The following NT5DC1 variants were observed in gnomAD, a reference collection of about 807,000 sequenced individuals.
NT5DC1 encodes the protein 5'-nucleotidase domain-containing protein 1.
NT5DC1 carries 42 observed loss-of-function variants against 59.4 expected under a neutral mutation model. The ratio of observed to expected loss-of-function variants is 0.71; its 90% CI spans 0.55 to 0.92. NT5DC1 has a LOEUF of 0.92. Among genes scored for constraint, NT5DC1 ranks in the 40% least tolerant of loss-of-function variants. NT5DC1 has a pLI of 0.00. For missense variants in NT5DC1, 501 were observed against 537.1 expected (o/e 0.93, Z 0.66); for synonymous variants, 172 against 188.1 (o/e 0.91, Z 0.70).
At chr6:116,131,230 C>T (rs1019321789) in intron 6 of NT5DC1, among the ~76,000 whole-genome samples, 4 of 152,072 alleles carry the variant, frequency 2.6e-5, no homozygotes, top group African/African-American at 4.8e-5. Flanking sequence ...CCAATATAAG[C>T]CAGCTCCAGC....
intron 11 of NT5DC1, among the ~76,000 whole-genome samples, chr6:116,240,132 A>G (rs1771671637): frequency 6.6e-6 from 1 of 152,196 alleles, no homozygotes. Flanking sequence ...GACATAAAAG[A>G]TATAGTGAGA....
chr6:116,151,691 A>G (rs1780043499), intron 6 of NT5DC1, among the ~76,000 whole-genome samples: 1 of 152,138 alleles, frequency 6.6e-6, no homozygotes, highest in Admixed American at 6.5e-5. Flanking sequence ...ATAATTTTAT[A>G]TTTCTCTTTC....
chr6:116,145,138 T>A (rs1779864677), intron 6 of NT5DC1, among the ~76,000 whole-genome samples: 1 of 152,176 alleles, frequency 6.6e-6, no homozygotes, highest in Admixed American at 6.5e-5. Flanking sequence ...TATAATAGAT[T>A]GAAAGCTTCT....
intron 6 of NT5DC1, among the ~76,000 whole-genome samples, chr6:116,188,747 A>G (rs1233834061): frequency 6.6e-6 from 1 of 150,836 alleles, no homozygotes. Flanking sequence ...ATGAATGTTT[A>G]TAACATTTCA....
At chr6:116,101,974 T>C (rs148773004) in intron 1 of NT5DC1, among the ~76,000 whole-genome samples, 394 of 152,364 alleles carry the variant, frequency 2.6e-3, no homozygotes, top group Non-Finnish European at 4.6e-3. Context: ...AGGAAGTTAC[T>C]TAACCTGTGC....
Position 116,113,735 on chromosome 6 carries a change from C to G in NT5DC1, c.365-1956C>G, listed in dbSNP as rs1778919586. Among the ~76,000 whole-genome samples, 3 of 152,168 alleles carry G rather than the reference C, an allele frequency of 2.0e-5. No individual in the cohort carries two copies. In the South Asian group the frequency reaches 6.2e-4, roughly 32 times the overall value. ...TGAATTATTTAATTAGAACTCAGCC[C>G]TTACTCAAAATCAATAGTTCAACTC... On this transcript the variant is annotated intron_variant, in intron 4 of 11. Coordinates refer to ENST00000319550, the MANE Select transcript of NT5DC1 (RefSeq NM_152729.3).
chr6:116,177,303 A>G (rs772038373), intron 6 of NT5DC1, among the ~76,000 whole-genome samples: 1 of 152,112 alleles, frequency 6.6e-6, no homozygotes, highest in Non-Finnish European at 1.5e-5. Context: ...GTTTTTATTC[A>G]TGGGCGTTAT....
intron 6 of NT5DC1, among the ~76,000 whole-genome samples, chr6:116,168,687 A>T (rs1780536180): frequency 6.6e-6 from 1 of 151,486 alleles, no homozygotes; most frequent in South Asian, 2.1e-4. Context: ...TTTTTTATTG[A>T]TACTAGCTAT....
intron 8 of NT5DC1, among the ~76,000 whole-genome samples, chr6:116,231,325 A>T (rs1247108767): frequency 6.6e-6 from 1 of 152,184 alleles, no homozygotes; most frequent in East Asian, 1.9e-4. Flanking sequence ...ACTGGAGAAA[A>T]AAAAGTCTAG....
In NT5DC1 at chr6:116,108,356, T is replaced by G; in HGVS notation, c.186-8T>G. The G allele has an allele frequency of 1.3e-6, 2 of 1,575,694 alleles. No individual in the cohort carries two copies. The highest frequency in any genetic ancestry group is 1.7e-6 in the Non-Finnish European group (2 of 1,145,226). Reference sequence around the variant, plus strand: ...GAATTGATTAATAATCAAACTTTCCTATTTCAGTTGCAAAGGTTTGGCATT... The same window carrying G: ...GAATTGATTAATAATCAAACTTTCCGATTTCAGTTGCAAAGGTTTGGCATT... On this transcript the variant is annotated splice_polypyrimidine_tract_variant and splice_region_variant and intron_variant, in intron 2 of 11. Coordinates refer to ENST00000319550, the MANE Select transcript of NT5DC1 (RefSeq NM_152729.3).
intron 6 of NT5DC1, chr6:116,121,643 G>A: frequency 6.2e-7 from 1 of 1,613,944 alleles, no homozygotes; most frequent in Non-Finnish European, 8.5e-7. Context: ...CTGTTGTCCA[G>A]GTTTTCCTGG....
At chr6:116,115,637 T>C in intron 4 of NT5DC1, 54 bp from the exon 5 acceptor site, 1 of 856,712 alleles carries the variant, frequency 1.2e-6, no homozygotes, top group Non-Finnish European at 2.0e-6. Context: ...CCTGTGTATT[T>C]CACATGCATG....
intron 6 of NT5DC1, among the ~76,000 whole-genome samples, chr6:116,192,783 T>C (rs1321900896): frequency 1.3e-5 from 2 of 152,048 alleles, no homozygotes; most frequent in African/African-American, 4.8e-5. Context: ...ACATTTCCTC[T>C]ATTACGATTT....
intron 6 of NT5DC1, among the ~76,000 whole-genome samples, chr6:116,162,319 T>C (rs548350548): frequency 1.3e-5 from 2 of 152,230 alleles, no homozygotes; most frequent in Non-Finnish European, 2.9e-5. Context: ...CTATGTTGAA[T>C]AGGAGTGGTG....
At chr6:116,216,858 A>G (rs1465684106) in intron 6 of NT5DC1, among the ~76,000 whole-genome samples, 2 of 152,196 alleles carry the variant, frequency 1.3e-5, no homozygotes, top group Non-Finnish European at 1.5e-5. Flanking sequence ...GTACATTTAA[A>G]CAGTTCATCG....
intron 6 of NT5DC1, among the ~76,000 whole-genome samples, chr6:116,131,655 T>C (rs558800772): frequency 1.3e-5 from 2 of 152,190 alleles, no homozygotes; most frequent in Non-Finnish European, 2.9e-5. Context: ...TTATTTCCTG[T>C]CTTTTGCCAA....
intron 6 of NT5DC1, among the ~76,000 whole-genome samples, chr6:116,186,190 G>A (rs1421250381): frequency 6.6e-6 from 1 of 152,008 alleles, no homozygotes; most frequent in Non-Finnish European, 1.5e-5. Context: ...GAGAACAAAG[G>A]TAGGACCCCA....
chr6:116,125,578 G>A (rs1582818226), intron 6 of NT5DC1: 7 of 1,387,566 alleles, frequency 5.0e-6, no homozygotes, highest in East Asian at 4.7e-5. Context: ...ATGTTTCACA[G>A]ATGAGTTCTT....
At chr6:116,116,368 G>T (rs1330848790) in intron 5 of NT5DC1, among the ~76,000 whole-genome samples, 1 of 152,282 alleles carries the variant, frequency 6.6e-6, no homozygotes, top group East Asian at 1.9e-4. Flanking sequence ...TTGGGGCCAG[G>T]TGCAGTGGCT....
Sources: gnomAD v4.1 joint callset for allele counts (sites outside exome capture counted in the v4.1 genomes callset) on GRCh38, gnomAD v4.1.1 for gene constraint, MANE v1.5 for transcripts, NCBI Gene and HGNC (gene_info 2026-07-23, HGNC 2026-07-21) for gene names.